The following LRIT3 variants were observed in gnomAD, a reference collection of about 807,000 sequenced individuals.
LRIT3 encodes leucine rich repeat, Ig-like and transmembrane domains 3.
LRIT3 carries 14 observed loss-of-function variants against 22.6 expected under a neutral mutation model. The ratio of observed to expected loss-of-function variants is 0.62; its 90% confidence interval spans 0.41 to 0.97. The LOEUF (loss-of-function observed/expected upper bound fraction) is 0.97. Among genes scored for constraint, LRIT3 ranks in the 50% least tolerant of loss-of-function variants. LRIT3 has a pLI of 0.00. For synonymous variants in LRIT3, 306 were observed against 304.5 expected, an observed-to-expected ratio of 1.01 and a Z score of -0.05; for missense variants, 783 against 803.0, an observed-to-expected ratio of 0.98 and a Z score of 0.30.
intron 2 of LRIT3, among the ~76,000 whole-genome samples, chr4:109,852,205 G>A (rs1321234614): frequency 2.0e-5 from 3 of 152,106 alleles, no homozygotes; most frequent in Non-Finnish European, 2.9e-5. Context: ...GTGGAAAAGT[G>A]GAGAAGAACT....
rs1254205993 is a variant in LRIT3, at chr4:109,867,735, A to T, written c.684A>T (p.Pro228=). Residue 228 remains proline, a synonymous_variant, in exon 3 of 4, where the codon CCA becomes CCT. Coordinates refer to ENST00000594814, the MANE Select transcript of LRIT3 (RefSeq NM_198506.5). ...ACCCTGCTATAGTGCTTCTGGATCC[A>T]CTGATGACTTGCAGTGAACCTGAGC... ...VVDPAIVLLD[P]LMTCSEPERL... 1 of 1,614,068 alleles carries T rather than the reference A, an allele frequency of 6.2e-7. No individual in the cohort carries two copies. The highest frequency in any genetic ancestry group is 8.5e-7 in the Non-Finnish European group (1 of 1,180,012).
Position 109,867,670 on chromosome 4 carries a change from TG to T in LRIT3, c.620del (p.Cys207PhefsTer6). 6.2e-7 allele frequency: 1 copy of T among 1,614,118 alleles called. No individual in the cohort carries two copies. On this transcript the variant is annotated frameshift_variant, in exon 3 of 4. Coordinates refer to ENST00000594814, the MANE Select transcript of LRIT3 (RefSeq NM_198506.5). LOFTEE classifies it high-confidence loss of function. ...ACAGGACAATCCTTGGTTCTGTGACTGTCATATTTCCAAAATGATTGAGTTG... is the reference window on the plus strand; with the variant it reads ...ACAGGACAATCCTTGGTTCTGTGACTTCATATTTCCAAAATGATTGAGTTG... Reference protein sequence around the residue: ...GLQDNPWFCDCHISKMIELSK... With the variant: ...GLQDNPWFCDXHISKMIELSK...
chr4:109,850,652 T>G (rs1486627838), intron 1 of LRIT3, among the ~76,000 whole-genome samples: 1 of 151,552 alleles, frequency 6.6e-6, no homozygotes, highest in South Asian at 2.1e-4. Context: ...AATTTTTGTA[T>G]TTTTAGTGGA....
chr4:109,857,021 A>C (rs1734421766), intron 2 of LRIT3, among the ~76,000 whole-genome samples: 1 of 152,162 alleles, frequency 6.6e-6, no homozygotes, highest in Non-Finnish European at 1.5e-5. Flanking sequence ...GGCCTATGTA[A>C]GGCTACAGGG....
intron 2 of LRIT3, among the ~76,000 whole-genome samples, chr4:109,855,763 G>A (rs1035167305): frequency 6.6e-6 from 1 of 152,166 alleles, no homozygotes; most frequent in Non-Finnish European, 1.5e-5. Flanking sequence ...TGGTTTCAAA[G>A]AACATCTTTA....
chr4:109,870,608 A>G lies in LRIT3; in HGVS notation c.1859A>G (p.Asp620Gly), dbSNP rs758969593. Residue 620 changes from aspartate to glycine, a missense_variant, in exon 4 of 4, where the codon GAT (aspartate) becomes GGT (glycine). Physicochemically the swap from Asp to Gly is moderately conservative, Grantham distance 94. Transcript: ENST00000594814. Reference protein sequence around the residue: ...QCKSEPFWEDDLAKETYIQFE... With the variant: ...QCKSEPFWEDGLAKETYIQFE... ...AAATCAGAACCTTTTTGGGAAGATG[A>G]TTTGGCAAAGGAGACTTATATCCAA... The G allele has an allele frequency of 6.8e-6, 11 of 1,613,796 alleles. No individual in the cohort carries two copies. The highest frequency in any genetic ancestry group is 7.6e-6 in the Non-Finnish European group (9 of 1,179,742).
chr4:109,862,995 T>A (rs1734585632), intron 2 of LRIT3, among the ~76,000 whole-genome samples: 1 of 152,134 alleles, frequency 6.6e-6, no homozygotes, highest in Admixed American at 6.6e-5. Context: ...TGCCTGGACA[T>A]TTTTTTATTT....
At position 109,858,805 on chromosome 4, in the gene LRIT3, C is replaced by T. The variant is rs376142502; in HGVS notation, c.589+6829C>T. Among the ~76,000 whole-genome samples the T allele has an allele frequency of 1.3e-3, 204 of 152,228 alleles. 1 individual carries two copies. Among genetic ancestry groups the T allele is most frequent in the South Asian group, 0.011 (54 of 4,822 alleles). On this transcript the variant is annotated intron_variant, in intron 2 of 3. Transcript: ENST00000594814. ...GTTCTGTTACTTCTTTCTACAATAG[C>T]TTGGCCTTGTGGGTTATAAGGAATA...
At chr4:109,861,190 G>A (rs867972817) in intron 2 of LRIT3, among the ~76,000 whole-genome samples, 14 of 151,956 alleles carry the variant, frequency 9.2e-5, no homozygotes, top group South Asian at 6.2e-4. Flanking sequence ...TCAATGTGGC[G>A]AAACCCTGCC....
At chr4:109,861,744 T>A in intron 2 of LRIT3, among the ~76,000 whole-genome samples, 1 of 152,238 alleles carries the variant, frequency 6.6e-6, no homozygotes, top group East Asian at 1.9e-4. Flanking sequence ...CTTGCCTATT[T>A]ATTTTTTCCT....
chr4:109,865,542 T>G (rs6814655), intron 2 of LRIT3, among the ~76,000 whole-genome samples: 30,169 of 152,158 alleles, frequency 0.2, 3,580 homozygotes, highest in Admixed American at 0.34. Context: ...TTTGGTTTCT[T>G]TTGTTAAGAT....
At chr4:109,864,543 G>A (rs35452892) in intron 2 of LRIT3, among the ~76,000 whole-genome samples, 4,319 of 152,206 alleles carry the variant, frequency 0.028, 86 homozygotes, top group Middle Eastern at 0.065. Flanking sequence ...ATAACTTTTT[G>A]TAGAGGTTAT....
intron 2 of LRIT3, among the ~76,000 whole-genome samples, chr4:109,860,244 C>A (rs964088358): frequency 6.6e-6 from 1 of 151,938 alleles, no homozygotes; most frequent in African/African-American, 2.4e-5. Flanking sequence ...TTACTTGTAC[C>A]CAAATTTGCT....
intron 1 of LRIT3, among the ~76,000 whole-genome samples, chr4:109,850,373 T>G (rs1318320779): frequency 2.0e-3 from 1 of 492 alleles, no homozygotes; most frequent in African/African-American, 5.3e-3. Context: ...CTTCCTTCCT[T>G]CCTTCCTTCC....
chr4:109,849,784 T>C (rs1227250227), intron 1 of LRIT3, among the ~76,000 whole-genome samples: 1 of 152,168 alleles, frequency 6.6e-6, no homozygotes, highest in Non-Finnish European at 1.5e-5. Flanking sequence ...AGCTAGTTTT[T>C]GTATTTTTAG....
chr4:109,861,919 G>A (rs1734557841), intron 2 of LRIT3, among the ~76,000 whole-genome samples: 1 of 152,008 alleles, frequency 6.6e-6, no homozygotes, highest in Admixed American at 6.6e-5. Context: ...TCAATTTTTA[G>A]CTGTATATTC....
intron 1 of LRIT3, among the ~76,000 whole-genome samples, chr4:109,851,118 G>A (rs2125896976): frequency 6.6e-6 from 1 of 152,334 alleles, no homozygotes; most frequent in Admixed American, 6.5e-5. Flanking sequence ...ACCTTGGAAA[G>A]TTACTGAATG....
At chr4:109,850,422 C>CTTTCCTTCTTTCTTTCTTTCTTTCTTT (rs1553922077) in intron 1 of LRIT3, among the ~76,000 whole-genome samples, 2 of 55,088 alleles carry the variant, frequency 3.6e-5, no homozygotes, top group Admixed American at 1.9e-4. Flanking sequence ...TTCCTTCCTT[C>CTTTCCTTCTTTCTTTCTTTCTTTCTTT]CTTTCTTTCT....
intron 2 of LRIT3, chr4:109,865,081 G>T (rs1242592844): frequency 1.4e-6 from 2 of 1,404,920 alleles, no homozygotes; most frequent in East Asian, 2.6e-5. Context: ...TCCATCTTTG[G>T]TTTCTTTTAG....
Sources: gnomAD v4.1 joint callset for allele counts (sites outside exome capture counted in the v4.1 genomes callset) on GRCh38, gnomAD v4.1.1 for gene constraint, MANE v1.5 for transcripts, NCBI Gene and HGNC (gene_info 2026-07-23, HGNC 2026-07-21) for gene names.